The following ZRANB1 variants were observed in gnomAD, a reference collection of about 807,000 sequenced individuals.
ZRANB1 encodes the protein ubiquitin thioesterase ZRANB1.
In ZRANB1, 16 loss-of-function variants were observed where a neutral mutation model predicts 80.5. The ratio of observed to expected loss-of-function variants is 0.20; its 90% CI spans 0.13 to 0.30. The LOEUF (loss-of-function observed/expected upper bound fraction) is 0.30, where lower values mean the gene tolerates loss of function less well. Among genes scored for constraint, ZRANB1 ranks in the 10% least tolerant of loss-of-function variants. The pLI is 1.00. For missense variants in ZRANB1, 576 were observed against 862.6 expected (o/e 0.67, Z 4.16); for synonymous variants, 291 against 293.1 (o/e 0.99, Z 0.07).
At chr10:124,980,106 AT>A (rs1951919475) in intron 5 of ZRANB1, among the ~76,000 whole-genome samples, 1 of 152,218 alleles carries the variant, frequency 6.6e-6, no homozygotes, top group African/African-American at 2.4e-5. Context: ...GAATCTGTAG[AT>A]TTAATTGGGG....
At chr10:124,978,270 A>G (rs1208522175) in intron 5 of ZRANB1, among the ~76,000 whole-genome samples, 1 of 152,202 alleles carries the variant, frequency 6.6e-6, no homozygotes, top group Non-Finnish European at 1.5e-5. Flanking sequence ...AGGAGCCAGC[A>G]TGTAGCTTGT....
rs758443755 is a variant in ZRANB1, at chr10:124,987,273, T to C, written c.*2281T>C. 3 of 152,688 alleles carry C rather than the reference T, an allele frequency of 2.0e-5. No homozygotes were observed. Among genetic ancestry groups the C allele is most frequent in the African/African-American group, 7.2e-5 (3 of 41,556 alleles). 9.5% of individuals were successfully genotyped at this position (152,688 alleles called of 1,614,324 possible). On this transcript the variant is annotated 3_prime_UTR_variant, in exon 9 of 9. Transcript: ENST00000359653. The stretch of plus-strand genomic sequence containing the variant: ...ATGACTGACTCTGGAGAGTAAGTCA[T>C]ACCTGCACTCTGTGGACTTGATGGT...
chr10:124,974,538 C>A, intron 5 of ZRANB1, 140 bp downstream of exon 5: 2 of 817,244 alleles, frequency 2.4e-6, no homozygotes, highest in Non-Finnish European at 3.8e-6. Context: ...CATTAAAATA[C>A]TTTGAACACG....
In ZRANB1 at chr10:124,981,956, A is replaced by C. The variant is rs536945797; in HGVS notation, c.1548+127A>C. ...AAAGAATGCTTGACGTGGTATCATC[A>C]GTCAACTTGGGTTCTAGTGATGACT... On this transcript the variant is annotated intron_variant, in intron 6 of 8. Coordinates refer to ENST00000359653, the MANE Select transcript of ZRANB1 (RefSeq NM_017580.3). 2.5e-5 allele frequency: 30 copies of C among 1,191,960 alleles called. No individual in the cohort carries two copies. In the African/African-American group the frequency reaches 4.4e-4, roughly 17 times the overall value. The allele number at this position is 1,191,960 out of a possible 1,614,324, so 73.8% of individuals were successfully genotyped here.
At position 124,985,077 on chromosome 10, in the gene ZRANB1, T is replaced by G. The variant is rs1347150724; in HGVS notation, c.*85T>G. 1 of 1,126,050 alleles carries G rather than the reference T, an allele frequency of 8.9e-7. No homozygotes were observed. The highest frequency in any genetic ancestry group is 1.6e-5 in the African/African-American group (1 of 64,272). The allele number at this position is 1,126,050 out of a possible 1,614,324, so 69.8% of individuals were successfully genotyped here. On this transcript the variant is annotated 3_prime_UTR_variant, in exon 9 of 9. Coordinates refer to ENST00000359653, the MANE Select transcript of ZRANB1 (RefSeq NM_017580.3). ...TGTGGTGCTCCAAGCAGAGTCGACA[T>G]CATGGAATGAACCAAATCTGGCAGG...
intron 2 of ZRANB1, among the ~76,000 whole-genome samples, chr10:124,969,694 G>A (rs1255492522): frequency 6.6e-6 from 1 of 152,168 alleles, no homozygotes; most frequent in African/African-American, 2.4e-5. Flanking sequence ...CTAAATTTGT[G>A]ATATATAAGA....
the ZRANB1 span, among the ~76,000 whole-genome samples, chr10:124,935,990 T>C: frequency 6.6e-6 from 1 of 152,174 alleles, no homozygotes; most frequent in African/African-American, 2.4e-5. Context: ...TGGAGTGTAC[T>C]TGGAGTGAGT....
chr10:124,920,846 C>A, the ZRANB1 span, among the ~76,000 whole-genome samples: 6 of 152,074 alleles, frequency 3.9e-5, no homozygotes, highest in Admixed American at 6.5e-5. Flanking sequence ...ATGGGTATAT[C>A]TCTATACCCT....
Position 124,983,393 on chromosome 10 carries a change from C to T in ZRANB1, c.1679-66C>T. 1 of 1,591,734 alleles carries T rather than the reference C, an allele frequency of 6.3e-7. No homozygotes were observed. Among genetic ancestry groups the T allele is most frequent in the Non-Finnish European group, 8.6e-7 (1 of 1,166,154 alleles). Reference sequence around the variant, plus strand: ...GGAGCAGTGGACAGGGGAATGTGAACAAGGGCAGTGAGGGAGTGGCTCTTT... The same window carrying T: ...GGAGCAGTGGACAGGGGAATGTGAATAAGGGCAGTGAGGGAGTGGCTCTTT... On this transcript the variant is annotated intron_variant, in intron 7 of 8. Coordinates refer to ENST00000359653, the MANE Select transcript of ZRANB1 (RefSeq NM_017580.3). This position sits in a 1 kb window ranked among gnomAD's most constrained non-coding sequence, Gnocchi z 6.2.
At chr10:124,941,489 A>AT (rs1951536159), upstream of ZRANB1, among the ~76,000 whole-genome samples, 1 of 151,960 alleles carries the variant, frequency 6.6e-6, no homozygotes, top group South Asian at 2.1e-4. Flanking sequence ...AGTAGCTGGG[A>AT]TTACAGGCAC....
At chr10:124,963,020 C>A (rs994980380) in intron 1 of ZRANB1, among the ~76,000 whole-genome samples, 13 of 152,136 alleles carry the variant, frequency 8.5e-5, no homozygotes, top group African/African-American at 3.1e-4. Context: ...AATCCCAGCA[C>A]TTTGGGAGGC....
At chr10:124,960,545 A>G (rs1341376542) in intron 1 of ZRANB1, among the ~76,000 whole-genome samples, 2 of 152,160 alleles carry the variant, frequency 1.3e-5, no homozygotes, top group African/African-American at 4.8e-5. Flanking sequence ...GATCCTCACA[A>G]GTAGCTGGGA....
At chr10:124,927,333 G>A in the ZRANB1 span, among the ~76,000 whole-genome samples, 1 of 152,210 alleles carries the variant, frequency 6.6e-6, no homozygotes, top group Non-Finnish European at 1.5e-5. Flanking sequence ...CTATTCTGCA[G>A]CAGAAGGAAA....
At chr10:124,920,540 C>G in the ZRANB1 span, among the ~76,000 whole-genome samples, 1 of 152,106 alleles carries the variant, frequency 6.6e-6, no homozygotes, top group Non-Finnish European at 1.5e-5. Flanking sequence ...TTGTGAATCC[C>G]TAACTCTAGC....
intron 2 of ZRANB1, among the ~76,000 whole-genome samples, chr10:124,967,925 G>A (rs1290607056): frequency 6.7e-6 from 1 of 150,296 alleles, no homozygotes; most frequent in South Asian, 2.1e-4. Flanking sequence ...TTAAGCTGGA[G>A]TCTCACTCTG....
Position 124,943,233 on chromosome 10 carries a change from T to G in ZRANB1, c.740T>G (p.Val247Gly). 6.2e-7 allele frequency: 1 copy of G among 1,614,206 alleles called. No homozygotes were observed. The highest frequency in any genetic ancestry group is 8.5e-7 in the Non-Finnish European group (1 of 1,180,038). The stretch of plus-strand genomic sequence containing the variant: ...GTGGGAAGCAAGGAGGAACTTGAAG[T>G]AGACTTTAAAAAACTAAAGCAAATT... Reference protein sequence around the residue: ...GAVGSKEELEVDFKKLKQIKN... With the variant: ...GAVGSKEELEGDFKKLKQIKN... Residue 247 changes from valine to glycine, a missense_variant, in exon 1 of 9, where the codon GTA (valine) becomes GGA (glycine). Physicochemically the swap from Val to Gly is moderately radical, Grantham distance 109. Around this residue, in one of 3 missense-constraint regions of ZRANB1, gnomAD observed 411 missense variants for 583.1 expected, o/e 0.70. Coordinates refer to ENST00000359653, the MANE Select transcript of ZRANB1 (RefSeq NM_017580.3).
At chr10:124,944,263 T>G (rs1308113883) in intron 1 of ZRANB1, among the ~76,000 whole-genome samples, 3 of 152,182 alleles carry the variant, frequency 2.0e-5, no homozygotes, top group Non-Finnish European at 4.4e-5. Context: ...TTTGGTCTTA[T>G]GAGGGAAATT....
the ZRANB1 span, chr10:124,917,212 G>A: frequency 5.8e-6 from 1 of 172,300 alleles, no homozygotes. Flanking sequence ...CGCCGCCGCC[G>A]CCAAGCGCCC....
the ZRANB1 span, among the ~76,000 whole-genome samples, chr10:124,923,984 G>A: frequency 6.7e-6 from 1 of 150,028 alleles, no homozygotes; most frequent in South Asian, 2.1e-4. Context: ...CATATATTGA[G>A]GGCAAACTGT....
Sources: gnomAD v4.1 joint callset for allele counts (sites outside exome capture counted in the v4.1 genomes callset) on GRCh38, gnomAD v4.1.1 for gene constraint, gnomAD v4.1.1 regional missense constraint, Gnocchi (gnomAD v3.1) non-coding constraint, MANE v1.5 for transcripts, NCBI Gene and HGNC (gene_info 2026-07-23, HGNC 2026-07-21) for gene names.